The following GFRA2 variants were observed in gnomAD, a reference collection of about 807,000 sequenced individuals.
The protein encoded by GFRA2 is GDNF family receptor alpha 2, also known as GDNF family receptor alpha-2.
GFRA2 carries 17 observed loss-of-function variants against 48.3 expected under a neutral mutation model. The ratio of observed to expected loss-of-function variants is 0.35; its 90% CI spans 0.24 to 0.53. The LOEUF (loss-of-function observed/expected upper bound fraction) is 0.53, where lower values mean the gene tolerates loss of function less well. Among genes scored for constraint, GFRA2 ranks in the 20% least tolerant of loss-of-function variants. GFRA2 has a pLI of 0.93. For missense variants in GFRA2, 660 were observed against 637.3 expected, an observed-to-expected ratio of 1.04 and a Z score of -0.38; for synonymous variants, 305 against 257.2, an observed-to-expected ratio of 1.19 and a Z score of -1.78.
chr8:21,803,386 G>A (rs1031547561), intron 2 of GFRA2, among the ~76,000 whole-genome samples: 1 of 152,206 alleles, frequency 6.6e-6, no homozygotes. Context: ...AGCATCAAGA[G>A]CTCTGCCACA....
At chr8:21,709,553 C>T (rs987257364) in intron 4 of GFRA2, among the ~76,000 whole-genome samples, 7 of 152,174 alleles carry the variant, frequency 4.6e-5, no homozygotes, top group Admixed American at 2.0e-4. Context: ...GTGGACGCAA[C>T]ATCAGAAAGG....
intron 3 of GFRA2, among the ~76,000 whole-genome samples, chr8:21,759,158 A>C (rs1805744146): frequency 6.6e-6 from 1 of 152,140 alleles, no homozygotes. Flanking sequence ...TGAGAGGCTG[A>C]GGCGGGCAGA....
At chr8:21,700,160 G>A (rs1290273025) in intron 7 of GFRA2, among the ~76,000 whole-genome samples, 3 of 152,208 alleles carry the variant, frequency 2.0e-5, no homozygotes, top group Non-Finnish European at 4.4e-5. Flanking sequence ...CATCCTGCAG[G>A]TGTCCAAGAC....
intron 2 of GFRA2, among the ~76,000 whole-genome samples, chr8:21,804,610 CTCT>C (rs1807827532): frequency 6.6e-6 from 1 of 152,146 alleles, no homozygotes; most frequent in Non-Finnish European, 1.5e-5. Context: ...CCCACCCTGC[CTCT>C]TCTTCTGTCC....
At position 21,796,055 on chromosome 8, in the gene GFRA2, T is replaced by C. The variant is rs1004728112; in HGVS notation, c.-35-7861A>G. On this transcript the variant is annotated intron_variant, in intron 2 of 10. Coordinates refer to the GFRA2 transcript ENST00000517328. ...GCCTTCCCCCTTCACAGCTGCCCGA[T>C]AGCAGCAGGAGCTAAGCTAGTAAAC... Among the ~76,000 whole-genome samples the C allele has an allele frequency of 3.5e-3, 534 of 152,350 alleles. 4 individuals carry two copies. The highest frequency in any genetic ancestry group is 0.012 in the African/African-American group (515 of 41,582).
At chr8:21,744,975 C>A (rs960628237) in intron 4 of GFRA2, among the ~76,000 whole-genome samples, 1 of 152,176 alleles carries the variant, frequency 6.6e-6, no homozygotes, top group Non-Finnish European at 1.5e-5. Flanking sequence ...GCTCTGAGTT[C>A]AAAGGATGAT....
chr8:21,737,076 G>A (rs1239689012), intron 4 of GFRA2, among the ~76,000 whole-genome samples: 1 of 152,078 alleles, frequency 6.6e-6, no homozygotes, highest in Non-Finnish European at 1.5e-5. Flanking sequence ...TGGCAAGGGG[G>A]CCTGCAGCCT....
Position 21,788,286 on chromosome 8 carries a change from T to C in GFRA2, c.-127A>G. On this transcript the variant is annotated 5_prime_UTR_variant, in exon 1 of 9. Coordinates refer to ENST00000524240, the MANE Select transcript of GFRA2 (RefSeq NM_001495.5). Reference sequence around the variant, plus strand: ...CCAAATCCAATGCGGAGATCCCAGCTAGTCCACCCGATGAAGATCCCGAGT... The same window carrying C: ...CCAAATCCAATGCGGAGATCCCAGCCAGTCCACCCGATGAAGATCCCGAGT... 6.4e-6 allele frequency: 9 copies of C among 1,398,624 alleles called. No individual in the cohort carries two copies. The highest frequency in any genetic ancestry group is 8.4e-6 in the Non-Finnish European group (9 of 1,072,410). 86.6% of individuals were successfully genotyped at this position (1,398,624 alleles called of 1,614,324 possible).
intron 3 of GFRA2, among the ~76,000 whole-genome samples, chr8:21,757,650 C>G (rs1805642316): frequency 6.6e-6 from 1 of 152,124 alleles, no homozygotes; most frequent in African/African-American, 2.4e-5. Flanking sequence ...CGCCTGCCAC[C>G]ACACTCAGCT....
chr8:21,772,788 T>G (rs1172962342), intron 3 of GFRA2, among the ~76,000 whole-genome samples: 1 of 152,030 alleles, frequency 6.6e-6, no homozygotes, highest in Non-Finnish European at 1.5e-5. Context: ...TCCCACAGAG[T>G]GTCAAGTCCA....
intron 3 of GFRA2, among the ~76,000 whole-genome samples, chr8:21,763,818 G>C (rs190870740): frequency 1.7e-4 from 25 of 151,422 alleles, no homozygotes; most frequent in Non-Finnish European, 3.5e-4. Context: ...TTCCCAGCCT[G>C]CATGAAACCC....
chr8:21,760,720 G>A (rs1453024718), intron 3 of GFRA2, among the ~76,000 whole-genome samples: 1 of 152,182 alleles, frequency 6.6e-6, no homozygotes, highest in African/African-American at 2.4e-5. Flanking sequence ...GGAGGAGGTT[G>A]TGGAAAGCCA....
chr8:21,777,761 G>T (rs1806779096), intron 2 of GFRA2, among the ~76,000 whole-genome samples: 1 of 152,140 alleles, frequency 6.6e-6, no homozygotes, highest in Non-Finnish European at 1.5e-5. Context: ...CAGTGAAAAG[G>T]GACCTGGATA....
At chr8:21,707,584 G>A (rs1180619724) in intron 4 of GFRA2, among the ~76,000 whole-genome samples, 1 of 152,196 alleles carries the variant, frequency 6.6e-6, no homozygotes, top group African/African-American at 2.4e-5. Flanking sequence ...GGACCCTGCA[G>A]GCTAAGAGAA....
intron 5 of GFRA2, among the ~76,000 whole-genome samples, chr8:21,705,556 A>C (rs143365156): frequency 6.6e-6 from 1 of 152,214 alleles, no homozygotes; most frequent in Non-Finnish European, 1.5e-5. Context: ...CAGTTTCCTC[A>C]TCTATAAAAT....
chr8:21,719,578 T>C (rs1317353085), intron 4 of GFRA2, among the ~76,000 whole-genome samples: 2 of 152,240 alleles, frequency 1.3e-5, no homozygotes, highest in African/African-American at 2.4e-5. Flanking sequence ...AGACTTGCTG[T>C]CACATTAAGT....
intron 2 of GFRA2, among the ~76,000 whole-genome samples, chr8:21,801,524 A>T: frequency 6.6e-6 from 1 of 152,036 alleles, no homozygotes. Flanking sequence ...AGAACCCAGC[A>T]GGTTCCTCAC....
chr8:21,697,131 G>GAAGGGGACA (rs1563211844), intron 7 of GFRA2, among the ~76,000 whole-genome samples: 1 of 134,878 alleles, frequency 7.4e-6, no homozygotes, highest in African/African-American at 2.8e-5. Flanking sequence ...GAGAGAAGGG[G>GAAGGGGACA]GAGGGGACAG....
intron 4 of GFRA2, among the ~76,000 whole-genome samples, chr8:21,749,239 C>CA (rs1349224127): frequency 0.027 from 3,227 of 117,730 alleles, 51 homozygotes; most frequent in African/African-American, 0.066. Flanking sequence ...CCTCCCCCTG[C>CA]AAAAAAAAAA....
Sources: allele counts gnomAD v4.1 joint callset (sites outside exome capture counted in the v4.1 genomes callset), GRCh38; gene constraint gnomAD v4.1.1; transcripts MANE v1.5; gene names NCBI Gene and HGNC (gene_info 2026-07-23, HGNC 2026-07-21).